Variants in SORCS3 observed in about 807,000 individuals in gnomAD.
SORCS3 encodes VPS10 domain-containing receptor SorCS3.
In SORCS3, 57 loss-of-function variants were observed where a neutral mutation model predicts 146.3. The observed-to-expected ratio is 0.39, with a 90% CI of 0.31 to 0.49. The LOEUF (loss-of-function observed/expected upper bound fraction) is 0.49. Ranked by LOEUF, SORCS3 falls within the 20% of genes least tolerant of loss-of-function variation. The probability of loss-of-function intolerance (pLI) is 0.92; values close to 1 mark genes in which losing one functional copy is unlikely to be tolerated. For missense variants in SORCS3, 1,341 were observed against 1,575.5 expected (o/e 0.85, Z 2.52); for synonymous variants, 653 against 618.5 (o/e 1.06, Z -0.83).
rs1171449511 is a variant in SORCS3, at chr10:105,105,391, T to C, written c.1094-6T>C. ...ATCTAAGCATCACTCTACCCTCCTGTTTCAGATGCTCACTACCTCACCTGC... is the reference window on the plus strand; with the variant it reads ...ATCTAAGCATCACTCTACCCTCCTGCTTCAGATGCTCACTACCTCACCTGC... On this transcript the variant is annotated splice_region_variant and splice_polypyrimidine_tract_variant and intron_variant, in intron 6 of 26. Coordinates refer to ENST00000369701, the MANE Select transcript of SORCS3 (RefSeq NM_014978.3). 1 of 1,603,250 alleles carries C rather than the reference T, an allele frequency of 6.2e-7. No homozygotes were observed.
chr10:104,660,202 C>T (rs1473564564), intron 1 of SORCS3, among the ~76,000 whole-genome samples: 1 of 152,182 alleles, frequency 6.6e-6, no homozygotes, highest in Admixed American at 6.5e-5. Context: ...AGCTGCACAT[C>T]GCTGTGTCTT....
At chr10:105,220,656 G>A (rs2119664508) in intron 19 of SORCS3, among the ~76,000 whole-genome samples, 1 of 152,206 alleles carries the variant, frequency 6.6e-6, no homozygotes, top group African/African-American at 2.4e-5. Flanking sequence ...AAAAATGAGA[G>A]ATTTGAATCT....
At chr10:104,994,747 T>C (rs189307581) in intron 4 of SORCS3, among the ~76,000 whole-genome samples, 19 of 152,330 alleles carry the variant, frequency 1.2e-4, no homozygotes, top group Non-Finnish European at 4.4e-5. Context: ...CTCATAATTC[T>C]TTTGTGATTG....
At chr10:104,945,279 G>T (rs11192243) in intron 3 of SORCS3, among the ~76,000 whole-genome samples, 15,586 of 144,104 alleles carry the variant, frequency 0.11, 892 homozygotes, top group South Asian at 0.27. Flanking sequence ...GTTTTGAGAT[G>T]GAGTCTCGCT....
At chr10:104,993,879 C>A (rs561510988) in intron 4 of SORCS3, among the ~76,000 whole-genome samples, 1 of 152,266 alleles carries the variant, frequency 6.6e-6, no homozygotes, top group East Asian at 1.9e-4. Flanking sequence ...CAACATTTGT[C>A]TTTTTTCCTC....
At chr10:104,696,591 T>C (rs1275342201) in intron 1 of SORCS3, among the ~76,000 whole-genome samples, 1 of 101,538 alleles carries the variant, frequency 9.8e-6, no homozygotes, top group Non-Finnish European at 1.8e-5. Flanking sequence ...ATATATATTA[T>C]ATACGTATAT....
intron 9 of SORCS3, among the ~76,000 whole-genome samples, chr10:105,154,428 G>A (rs546860055): frequency 6.6e-6 from 1 of 152,166 alleles, no homozygotes; most frequent in East Asian, 1.9e-4. Context: ...TCCGCCAAGG[G>A]GCCTGCTGTC....
intron 13 of SORCS3, among the ~76,000 whole-genome samples, chr10:105,168,173 A>T (rs748152605): frequency 1.3e-5 from 2 of 151,906 alleles, no homozygotes; most frequent in African/African-American, 2.4e-5. Context: ...ACTATAATAG[A>T]TTTATAAACG....
intron 1 of SORCS3, among the ~76,000 whole-genome samples, chr10:104,687,872 A>G (rs2016066652): frequency 6.6e-6 from 1 of 152,098 alleles, no homozygotes; most frequent in Non-Finnish European, 1.5e-5. Flanking sequence ...CTGAAAACAT[A>G]TGGTTTTCAT....
intron 5 of SORCS3, among the ~76,000 whole-genome samples, chr10:105,046,769 T>A (rs2055375308): frequency 6.6e-6 from 1 of 152,054 alleles, no homozygotes; most frequent in South Asian, 2.1e-4. Flanking sequence ...GACTCAGCCA[T>A]CAATCTCAGG....
intron 2 of SORCS3, among the ~76,000 whole-genome samples, chr10:104,913,245 G>T (rs1181032752): frequency 6.6e-6 from 1 of 152,138 alleles, no homozygotes; most frequent in Non-Finnish European, 1.5e-5. Context: ...GGAGGGAGAA[G>T]ACTGGAAGAA....
chr10:105,133,469 G>A (rs1396479837), intron 7 of SORCS3, among the ~76,000 whole-genome samples: 3 of 152,184 alleles, frequency 2.0e-5, no homozygotes, highest in Non-Finnish European at 4.4e-5. Context: ...GCGAGGGTTA[G>A]AAAGCCCAGG....
intron 3 of SORCS3, among the ~76,000 whole-genome samples, chr10:104,953,014 C>A (rs1275934205): frequency 1.3e-5 from 2 of 152,182 alleles, no homozygotes; most frequent in Non-Finnish European, 1.5e-5. Context: ...GAGGAAAAGA[C>A]ACGCACCTTC....
chr10:105,200,824 G>A (rs2056570146), intron 15 of SORCS3, among the ~76,000 whole-genome samples: 1 of 152,180 alleles, frequency 6.6e-6, no homozygotes, highest in South Asian at 2.1e-4. Flanking sequence ...GGTCTGCAAA[G>A]ATGCCTGGAG....
At chr10:104,777,216 C>T (rs1389699480) in intron 1 of SORCS3, among the ~76,000 whole-genome samples, 1 of 152,134 alleles carries the variant, frequency 6.6e-6, no homozygotes, top group Non-Finnish European at 1.5e-5. Context: ...TGTTTAATGT[C>T]ATCATTTTGC....
intron 5 of SORCS3, among the ~76,000 whole-genome samples, chr10:105,058,874 A>G (rs2055463871): frequency 6.6e-6 from 1 of 152,226 alleles, no homozygotes; most frequent in Non-Finnish European, 1.5e-5. Flanking sequence ...TAAAAAATAT[A>G]TTGTACTTGG....
intron 5 of SORCS3, among the ~76,000 whole-genome samples, chr10:105,056,591 A>C (rs2055447366): frequency 6.6e-6 from 1 of 152,138 alleles, no homozygotes; most frequent in South Asian, 2.1e-4. Flanking sequence ...AACATTTGGC[A>C]CTTTCTTGTG....
intron 1 of SORCS3, among the ~76,000 whole-genome samples, chr10:104,827,244 G>T (rs957422850): frequency 6.6e-6 from 1 of 152,034 alleles, no homozygotes; most frequent in Non-Finnish European, 1.5e-5. Context: ...AATTTACTTT[G>T]CTGAGATTCA....
intron 4 of SORCS3, among the ~76,000 whole-genome samples, chr10:104,995,612 T>C (rs963030199): frequency 6.6e-6 from 1 of 152,214 alleles, no homozygotes; most frequent in African/African-American, 2.4e-5. Flanking sequence ...GGGCAACTTG[T>C]GTTCTTACTA....
Sources: gnomAD v4.1 joint callset for allele counts (sites outside exome capture counted in the v4.1 genomes callset) on GRCh38, gnomAD v4.1.1 for gene constraint, MANE v1.5 for transcripts, NCBI Gene and HGNC (gene_info 2026-07-23, HGNC 2026-07-21) for gene names.